Variants in NDRG2 observed in about 807,000 individuals in gnomAD.
The protein encoded by NDRG2 is NDRG family member 2.
NDRG2 carries 34 observed loss-of-function variants against 58.2 expected under a neutral mutation model. That is an observed-to-expected ratio of 0.58 (90% CI 0.44 to 0.78). The LOEUF is 0.78. NDRG2 is among the 30% of genes least tolerant of loss of function. The probability of loss-of-function intolerance (pLI) is 0.00; values close to 1 mark genes in which losing one functional copy is unlikely to be tolerated. For synonymous variants in NDRG2, 187 were observed against 175.9 expected, an observed-to-expected ratio of 1.06 and a Z score of -0.50; for missense variants, 434 against 471.2, an observed-to-expected ratio of 0.92 and a Z score of 0.73.
chr14:21,040,202 A>C (rs1348532315), intron 1 of NDRG2, among the ~76,000 whole-genome samples: 6 of 152,282 alleles, frequency 3.9e-5, no homozygotes, highest in South Asian at 4.1e-4. Context: ...TGCTCCCCCA[A>C]CCAAGGCCTC....
upstream of NDRG2, among the ~76,000 whole-genome samples, chr14:21,027,114 G>C (rs568562685): frequency 2.6e-5 from 4 of 152,276 alleles, no homozygotes; most frequent in African/African-American, 9.6e-5. Context: ...GCAGGAGATG[G>C]GAAATTTCCA....
At chr14:21,025,762 G>GGGC, upstream of NDRG2, 1 of 263,154 alleles carries the variant, frequency 3.8e-6, no homozygotes, top group Non-Finnish European at 5.6e-6. The surrounding 1 kb of genome is among the most constrained non-coding windows in gnomAD (Gnocchi z 5.1). Flanking sequence ...TGGGGGCGGG[G>GGGC]AATGCGGGGG....
intron 1 of NDRG2, chr14:21,034,193 G>A (rs770531717): frequency 6.2e-7 from 1 of 1,614,036 alleles, no homozygotes; most frequent in South Asian, 1.1e-5. Context: ...TTAAGGTATA[G>A]AAGTTCCTGC....
intron 2 of NDRG2, 120 bp downstream of exon 2, chr14:21,023,121 G>T (rs1881648371): frequency 4.3e-6 from 4 of 937,754 alleles, no homozygotes; most frequent in Admixed American, 2.0e-5. Context: ...GAGAGACTAG[G>T]GTAGTGGTGA....
chr14:21,036,336 A>AG (rs1346919923), intron 1 of NDRG2: 1 of 443,026 alleles, frequency 2.3e-6, no homozygotes, highest in East Asian at 7.0e-5. Context: ...CTCATAGGGT[A>AG]GGGGTGCCCA....
At position 21,023,257 on chromosome 14, in the gene NDRG2, G is replaced by C. The variant is rs779725845; in HGVS notation, c.59C>G (p.Thr20Arg). The C allele has an allele frequency of 5.0e-6, 8 of 1,613,972 alleles. No homozygotes were observed. The South Asian group carries it at 8.8e-5, about 18-fold the overall frequency. The change falls in exon 2 of 16, where the codon ACG becomes AGG. Residue 20 changes from threonine (T) to arginine (R), a missense_variant. By Grantham distance (71) the Thr-to-Arg change is moderately conservative. Transcript: ENST00000556147. ...TCTAATAACCTTGGCCGCCTCAGGC[G>C]TCTGTCCTGGCAACAGTGGCTTCTC... is the stretch of plus-strand genomic sequence containing the variant. ...TEEKPLLPGQ[T>R]PEAAKEAELA...
chr14:21,061,071 C>T (rs1036589041), intron 1 of NDRG2, among the ~76,000 whole-genome samples: 9 of 152,140 alleles, frequency 5.9e-5, no homozygotes, highest in African/African-American at 1.4e-4. Flanking sequence ...AGAGTACATA[C>T]GAAACTATCA....
chr14:21,018,559 C>A (rs1393333658), intron 12 of NDRG2, 55 bp from the exon 13 acceptor site: 1 of 1,597,578 alleles, frequency 6.3e-7, no homozygotes, highest in Non-Finnish European at 8.5e-7. Flanking sequence ...GGCGCCTCCC[C>A]CGTAAGGGAC....
intron 1 of NDRG2, among the ~76,000 whole-genome samples, chr14:21,046,154 T>G (rs1324575288): frequency 6.6e-6 from 1 of 152,180 alleles, no homozygotes; most frequent in East Asian, 1.9e-4. Context: ...TATGATATAA[T>G]CTAATTTCTA....
chr14:21,028,617 G>T (rs1019992462), upstream of NDRG2: 21 of 152,088 alleles, frequency 1.4e-4, no homozygotes, highest in African/African-American at 5.1e-4. Context: ...TTAGCAATGA[G>T]AAGCTATAGT....
upstream of NDRG2, chr14:21,025,706 T>C (rs1883499425): frequency 2.0e-6 from 2 of 981,024 alleles, no homozygotes; most frequent in Non-Finnish European, 2.4e-6. The surrounding 1 kb of genome is among the most constrained non-coding windows in gnomAD (Gnocchi z 5.1). Context: ...TCCCGACGCC[T>C]GCTCTCCGGC....
chr14:21,039,411 A>G (rs554044776), intron 1 of NDRG2, among the ~76,000 whole-genome samples: 20 of 152,192 alleles, frequency 1.3e-4, no homozygotes, highest in African/African-American at 3.6e-4. Context: ...CTTCTCTCCC[A>G]CTGTTTTGTC....
At chr14:21,021,194 G>A (rs1195866488) in intron 6 of NDRG2, 1 of 460,164 alleles carries the variant, frequency 2.2e-6, no homozygotes, top group Non-Finnish European at 4.3e-6. Flanking sequence ...TTTAGTTCCT[G>A]GTTCCTCTAG....
chr14:21,022,638 G>C, intron 3 of NDRG2, 141 bp from the exon 4 acceptor site: 1 of 695,328 alleles, frequency 1.4e-6, no homozygotes, highest in Non-Finnish European at 2.4e-6. Context: ...AGCAAGAATT[G>C]AGGAAAACAT....
chr14:21,046,555 A>ATATC (rs1555333021), intron 1 of NDRG2, among the ~76,000 whole-genome samples: 35 of 150,662 alleles, frequency 2.3e-4, no homozygotes, highest in African/African-American at 8.1e-4. Context: ...ACATACATAC[A>ATATC]TACATACATA....
In NDRG2 at chr14:21,068,297, C is replaced by T. The variant is rs867738266; in HGVS notation, c.24+2531G>A. On this transcript the variant is annotated intron_variant, in intron 1 of 14. Transcript: ENST00000403829. ...TACAGGCGTGAGCCACCGCGCCCGG[C>T]CGGCTCCCCTTTTTCTCCATGAAAA... Among the ~76,000 whole-genome samples, 2 of 12,270 alleles carry T rather than the reference C, an allele frequency of 1.6e-4. 1 individual carries two copies. The highest frequency in any genetic ancestry group is 2.3e-4 in the African/African-American group (2 of 8,602). The allele number at this position is 12,270 out of a possible 152,430, so 8.0% of individuals were successfully genotyped here. A position where few individuals can be genotyped will look rare whatever the true frequency, so the allele number is the denominator to read the frequency against.
intron 1 of NDRG2, among the ~76,000 whole-genome samples, chr14:21,055,927 T>C (rs544648155): frequency 1.3e-5 from 2 of 152,140 alleles, no homozygotes; most frequent in East Asian, 3.9e-4. Flanking sequence ...GCTTTCTGGG[T>C]AATGTTTTCC....
chr14:21,068,318 GAA>G (rs34795666), intron 1 of NDRG2, among the ~76,000 whole-genome samples: 2 of 99,478 alleles, frequency 2.0e-5, no homozygotes, highest in Admixed American at 1.2e-4. Flanking sequence ...TTTTCTCCAT[GAA>G]AAAAAAAAAT....
chr14:21,018,831 G>C lies in NDRG2; in HGVS notation c.762-17C>G, dbSNP rs370040541. On this transcript the variant is annotated splice_polypyrimidine_tract_variant and intron_variant, in intron 11 of 15. Coordinates refer to ENST00000556147, the MANE Select transcript of NDRG2 (RefSeq NM_001320329.2). ...ACAGGACACCTAAAGACACAGTGTT[G>C]GGGAGAAGGCAGTGAGCCCCTGGCA... 2.5e-6 allele frequency: 4 copies of C among 1,613,974 alleles called. No homozygotes were observed. Among genetic ancestry groups the C allele is most frequent in the Admixed American group, 3.3e-5 (2 of 59,988 alleles).
Sources: gnomAD v4.1 joint callset for allele counts (sites outside exome capture counted in the v4.1 genomes callset) on GRCh38, gnomAD v4.1.1 for gene constraint, Gnocchi (gnomAD v3.1) non-coding constraint, MANE v1.5 for transcripts, NCBI Gene and HGNC (gene_info 2026-07-23, HGNC 2026-07-21) for gene names.